RNF32: variants seen among roughly 807,000 people sequenced by gnomAD.
The protein encoded by RNF32 is ring finger protein 32.
In RNF32, 36 loss-of-function variants were observed where a neutral mutation model predicts 41.0. That is an observed-to-expected ratio of 0.88 (90% CI 0.67 to 1.16). RNF32 has a LOEUF of 1.16. Among genes scored for constraint, RNF32 ranks in the 50% most tolerant of loss-of-function variants. The pLI is 0.00. For synonymous variants in RNF32, 154 were observed against 160.9 expected, an observed-to-expected ratio of 0.96 and a Z score of 0.32; for missense variants, 413 against 436.7, an observed-to-expected ratio of 0.95 and a Z score of 0.48.
chr7:156,659,759 C>G (rs975929494), intron 7 of RNF32: 1 of 673,440 alleles, frequency 1.5e-6, no homozygotes, highest in Non-Finnish European at 1.8e-6. Flanking sequence ...GTGAAGCAAC[C>G]ATTACAATGT....
chr7:156,671,311 GC>G (rs1178631767), intron 7 of RNF32, among the ~76,000 whole-genome samples: 8 of 152,282 alleles, frequency 5.3e-5, no homozygotes, highest in African/African-American at 1.9e-4. Context: ...CAGAAGAGAT[GC>G]CTGAAAACGC....
rs903795449 is a variant in RNF32, at chr7:156,660,346, T to G, written c.684+1776T>G. On this transcript the variant is annotated intron_variant, in intron 7 of 8. Transcript: ENST00000317955. ...AAGAAGAACAGAAGTATGAATGCTA[T>G]TCTAGCTTGTATATTACAAATGTGG... 16 of 953,896 alleles carry G rather than the reference T, an allele frequency of 1.7e-5. No individual in the cohort carries two copies. The South Asian group carries it at 7.7e-4, about 46-fold the overall frequency. The allele number at this position is 953,896 out of a possible 1,614,324, so 59.1% of individuals were successfully genotyped here.
chr7:156,653,144 A>G (rs906476775), intron 3 of RNF32, among the ~76,000 whole-genome samples: 2 of 152,132 alleles, frequency 1.3e-5, no homozygotes, highest in African/African-American at 4.8e-5. Context: ...AGCTCCATTC[A>G]TGGTGAGTGC....
intron 1 of RNF32, among the ~76,000 whole-genome samples, chr7:156,641,340 C>A (rs1332517581): frequency 6.6e-6 from 1 of 152,304 alleles, no homozygotes; most frequent in South Asian, 2.1e-4. Context: ...TTTGGCACCC[C>A]AGTGATCGTT....
chr7:156,648,388 G>A (rs1312716299), intron 3 of RNF32, among the ~76,000 whole-genome samples: 7 of 152,272 alleles, frequency 4.6e-5, no homozygotes, highest in South Asian at 2.1e-4. Context: ...GCTCATGAAC[G>A]TGTTGAGACT....
chr7:156,672,302 G>A (rs1450387787), intron 7 of RNF32, among the ~76,000 whole-genome samples: 1 of 152,118 alleles, frequency 6.6e-6, no homozygotes, highest in Non-Finnish European at 1.5e-5. Flanking sequence ...GACGACGACA[G>A]GTGCAAAACC....
chr7:156,663,180 T>C (rs1470652507), intron 7 of RNF32, among the ~76,000 whole-genome samples: 1 of 152,124 alleles, frequency 6.6e-6, no homozygotes, highest in Non-Finnish European at 1.5e-5. Flanking sequence ...TAGAATGAAA[T>C]TTCCTTGTCA....
At chr7:156,650,909 C>A (rs1487004794) in intron 3 of RNF32, among the ~76,000 whole-genome samples, 2 of 152,180 alleles carry the variant, frequency 1.3e-5, no homozygotes, top group East Asian at 3.9e-4. Flanking sequence ...ATCTAGAAAA[C>A]CTCCCCCTTC....
intron 1 of RNF32, chr7:156,641,054 C>T (rs1018130202): frequency 6.5e-6 from 1 of 154,658 alleles, no homozygotes; most frequent in African/African-American, 2.4e-5. Flanking sequence ...TTACGGCTGC[C>T]TAAAGCCTTA....
chr7:156,653,915 G>A lies in RNF32; in HGVS notation c.275-661G>A, dbSNP rs113079473. Among the ~76,000 whole-genome samples, 384 of 152,352 alleles carry A rather than the reference G, an allele frequency of 2.5e-3. 1 individual carries two copies. Among genetic ancestry groups the A allele is most frequent in the African/African-American group, 8.6e-3 (359 of 41,566 alleles). ...TGCTGAAGGCTGAGGGCTGAGGCAG[G>A]TGAGAACTGGGAGAAACTTGGGCCA... On this transcript the variant is annotated intron_variant, in intron 3 of 8. Transcript: ENST00000317955.
At chr7:156,660,963 G>A (rs1191211624) in intron 7 of RNF32, among the ~76,000 whole-genome samples, 2 of 152,220 alleles carry the variant, frequency 1.3e-5, no homozygotes, top group Non-Finnish European at 2.9e-5. Flanking sequence ...GGTGGATTCA[G>A]AGATTCTTTA....
At chr7:156,662,356 G>T (rs1016739872) in intron 7 of RNF32, among the ~76,000 whole-genome samples, 4 of 152,172 alleles carry the variant, frequency 2.6e-5, no homozygotes, top group Non-Finnish European at 5.9e-5. Flanking sequence ...GAATCCAAAA[G>T]GTTACTGAAC....
chr7:156,665,480 TA>T (rs2131577036), intron 7 of RNF32, among the ~76,000 whole-genome samples: 1 of 152,372 alleles, frequency 6.6e-6, no homozygotes, highest in South Asian at 2.1e-4. Flanking sequence ...CAACAGTTTT[TA>T]AGTCTGGGAA....
chr7:156,640,635 C>A, upstream of RNF32: 1 of 368,608 alleles, frequency 2.7e-6, no homozygotes, highest in Admixed American at 3.5e-5. Flanking sequence ...CAATGTGGGC[C>A]GGGCGGGGCT....
At chr7:156,646,600 C>A in intron 3 of RNF32, 2 of 883,454 alleles carry the variant, frequency 2.3e-6, no homozygotes, top group Non-Finnish European at 3.2e-6. Context: ...CAACCCAGTA[C>A]ATCAAGTATG....
In RNF32 at chr7:156,669,566, A is replaced by G. The variant is rs1015796925; in HGVS notation, c.685-6130A>G. The stretch of plus-strand genomic sequence containing the variant: ...GGCACAGGTGACCCTTCCAGGACCC[A>G]GACCCCTGTGAGGCCCTGAGCTGGG... On this transcript the variant is annotated intron_variant, in intron 7 of 8. Coordinates refer to ENST00000317955, the MANE Select transcript of RNF32 (RefSeq NM_030936.4). This position sits in a 1 kb window ranked among gnomAD's most constrained non-coding sequence, Gnocchi z 4.2. Among the ~76,000 whole-genome samples, 2 of 152,178 alleles carry G rather than the reference A, an allele frequency of 1.3e-5. No individual in the cohort carries two copies. The highest frequency in any genetic ancestry group is 2.4e-5 in the African/African-American group (1 of 41,450).
At chr7:156,673,925 A>G (rs73744314) in intron 7 of RNF32, among the ~76,000 whole-genome samples, 5,861 of 150,102 alleles carry the variant, frequency 0.039, 154 homozygotes, top group East Asian at 0.12. Context: ...AAAAAAAAGA[A>G]AAAGTGAACG....
intron 7 of RNF32, among the ~76,000 whole-genome samples, chr7:156,661,255 A>C (rs1306393636): frequency 6.6e-6 from 1 of 151,666 alleles, no homozygotes; most frequent in Non-Finnish European, 1.5e-5. Context: ...CAGAAATTCC[A>C]TTGTTAAGGT....
At chr7:156,652,739 T>TATA (rs141546432) in intron 3 of RNF32, among the ~76,000 whole-genome samples, 2,854 of 151,908 alleles carry the variant, frequency 0.019, 90 homozygotes, top group African/African-American at 0.066. Flanking sequence ...AGAATAAGGA[T>TATA]AAGAAAGAAA....
Sources: allele counts gnomAD v4.1 joint callset (sites outside exome capture counted in the v4.1 genomes callset), GRCh38; gene constraint gnomAD v4.1.1; non-coding constraint Gnocchi (gnomAD v3.1); transcripts MANE v1.5; gene names NCBI Gene and HGNC (gene_info 2026-07-23, HGNC 2026-07-21).